COCH: variants seen among roughly 807,000 people sequenced by gnomAD.
The protein encoded by COCH is cochlin.
COCH carries 40 observed loss-of-function variants against 54.8 expected under a neutral mutation model. The ratio of observed to expected loss-of-function variants is 0.73; its 90% CI spans 0.57 to 0.95. The LOEUF is 0.95. Ranked by LOEUF, COCH falls within the 40% of genes least tolerant of loss-of-function variation. The probability of loss-of-function intolerance (pLI) is 0.00; values close to 1 mark genes in which losing one functional copy is unlikely to be tolerated. For missense variants in COCH, 605 were observed against 675.0 expected, an observed-to-expected ratio of 0.90 and a Z score of 1.15; for synonymous variants, 256 against 237.9, an observed-to-expected ratio of 1.08 and a Z score of -0.70.
chr14:30,884,440 TAAGA>T (rs763674419), intron 8 of COCH, 109 bp from the exon 9 acceptor site: 60 of 734,402 alleles, frequency 8.2e-5, no homozygotes, highest in Non-Finnish European at 1.4e-4. Context: ...ACTATGGAAT[TAAGA>T]AAGAAACTTG....
intron 8 of COCH, among the ~76,000 whole-genome samples, chr14:30,883,128 G>T (rs1389889864): frequency 6.6e-6 from 1 of 152,086 alleles, no homozygotes; most frequent in Non-Finnish European, 1.5e-5. Flanking sequence ...AAAAAAATGT[G>T]TTCCTTGTTT....
downstream of COCH, among the ~76,000 whole-genome samples, chr14:30,892,995 T>A (rs1334495328): frequency 6.6e-6 from 1 of 152,148 alleles, no homozygotes; most frequent in Non-Finnish European, 1.5e-5. Flanking sequence ...CCTTCTAATT[T>A]CATCTGCAAT....
At chr14:30,894,312 G>A (rs936958257), downstream of COCH, 4 of 152,312 alleles carry the variant, frequency 2.6e-5, no homozygotes, top group South Asian at 4.1e-4. Context: ...GAACCACCTT[G>A]GTTTGTAATT....
chr14:30,874,797 C>T, intron 1 of COCH, 119 bp from the exon 2 acceptor site: 1 of 906,000 alleles, frequency 1.1e-6, no homozygotes, highest in Non-Finnish European at 1.8e-6. Flanking sequence ...AGCAGCGGGT[C>T]GTCTGTGTCC....
intron 1 of COCH, 86 bp from the exon 2 acceptor site, chr14:30,874,830 G>C: frequency 2.3e-6 from 3 of 1,306,502 alleles, no homozygotes; most frequent in Non-Finnish European, 3.3e-6. Context: ...GCCGCGCCCG[G>C]GGATCCGAAG....
intron 9 of COCH, chr14:30,884,946 AAAG>A (rs1412810691): frequency 2.5e-6 from 4 of 1,598,262 alleles, no homozygotes; most frequent in Non-Finnish European, 3.4e-6. Flanking sequence ...GTAATGCTAA[AAAG>A]AAGTGAAAAT....
At position 30,874,572 on chromosome 14, in the gene COCH, G is replaced by A; in HGVS notation, c.-43G>A. On this transcript the variant is annotated 5_prime_UTR_variant, in exon 1 of 12. Coordinates refer to ENST00000396618, the MANE Select transcript of COCH (RefSeq NM_004086.3). ...GCCTTGCCTTCCGCACTCGGGCGCA[G>A]CCGGGTGGATCTCGAGCAGGTGCGG... 2.3e-6 allele frequency: 1 copy of A among 437,330 alleles called. No homozygotes were observed. Among genetic ancestry groups the A allele is most frequent in the Non-Finnish European group, 4.2e-6 (1 of 239,030 alleles). The allele number at this position is 437,330 out of a possible 1,614,324, so 27.1% of individuals were successfully genotyped here.
At position 30,880,441 on chromosome 14, in the gene COCH, T is replaced by C. The variant is rs747229581; in HGVS notation, c.437-11T>C. ...TCCTTTTGTTAATGCCAAGTGCATCTTTTATTTCAGGTAAACGACTAAAGA... is the reference window on the plus strand; with the variant it reads ...TCCTTTTGTTAATGCCAAGTGCATCCTTTATTTCAGGTAAACGACTAAAGA... On this transcript the variant is annotated splice_polypyrimidine_tract_variant and intron_variant, in intron 6 of 11. Transcript: ENST00000396618. The C allele has an allele frequency of 6.2e-7, 1 of 1,613,776 alleles. No homozygotes were observed. Among genetic ancestry groups the C allele is most frequent in the Non-Finnish European group, 8.5e-7 (1 of 1,179,792 alleles).
In COCH at chr14:30,874,594, G is replaced by GGT; in HGVS notation, c.-24+3_-24+4insGT. 2 of 478,778 alleles carry GGT rather than the reference G, an allele frequency of 4.2e-6. No individual in the cohort carries two copies. Among genetic ancestry groups the GGT allele is most frequent in the East Asian group, 4.1e-5 (1 of 24,594 alleles). The allele number at this position is 478,778 out of a possible 1,614,324, so 29.7% of individuals were successfully genotyped here. ...GCAGCCGGGTGGATCTCGAGCAGGT[G>GGT]CGGAGCCCCGGGCGGCGGGCGCGGG... On this transcript the variant is annotated splice_donor_region_variant and intron_variant, in intron 1 of 11. Transcript: ENST00000396618.
In COCH at chr14:30,887,784, CAG is replaced by C. The variant is rs28362783; in HGVS notation, c.1477+1476_1477+1477del. On this transcript the variant is annotated intron_variant, in intron 11 of 11. Coordinates refer to ENST00000396618, the MANE Select transcript of COCH (RefSeq NM_004086.3). ...TACTGATGAAAGATTATTCTTAAAA[CAG>C]AGAACACATGCAATTTAAGTTCCAC... 3.4e-3 allele frequency among the ~76,000 whole-genome samples: 512 copies of C among 152,290 alleles called. 3 individuals carry two copies. Among genetic ancestry groups the C allele is most frequent in the African/African-American group, 0.011 (463 of 41,574 alleles).
downstream of COCH, among the ~76,000 whole-genome samples, chr14:30,892,326 AATC>A (rs1164293405): frequency 1.3e-5 from 2 of 152,204 alleles, no homozygotes; most frequent in African/African-American, 2.4e-5. Context: ...GCATTCCAAT[AATC>A]ATCACATTTC....
intron 3 of COCH, 184 bp downstream of exon 3, chr14:30,875,287 G>A: frequency 1.2e-6 from 1 of 862,916 alleles, no homozygotes; most frequent in South Asian, 1.7e-5. Context: ...CTGCTCACCT[G>A]TTTCTCCCAT....
chr14:30,877,513 C>T lies in COCH; in HGVS notation c.83-59C>T, dbSNP rs977078373. On this transcript the variant is annotated intron_variant, in intron 3 of 11. Transcript: ENST00000396618. This position sits in a 1 kb window ranked among gnomAD's most constrained non-coding sequence, Gnocchi z 8.6. Reference sequence around the variant, plus strand: ...CTTAAATCTCACACTGTAGTCTCCCCACCACTATGCCCCAAGAAGTCCTAA... The same window carrying T: ...CTTAAATCTCACACTGTAGTCTCCCTACCACTATGCCCCAAGAAGTCCTAA... The T allele has an allele frequency of 1.5e-5, 24 of 1,600,440 alleles. No individual in the cohort carries two copies. Among genetic ancestry groups the T allele is most frequent in the Non-Finnish European group, 2.0e-5 (24 of 1,172,108 alleles).
Position 30,880,509 on chromosome 14 carries a change from A to G in COCH, c.481+13A>G, listed in dbSNP as rs1262389738. On this transcript the variant is annotated intron_variant, in intron 7 of 11. Transcript: ENST00000396618. ...ACTGGCAATAAAGGTAAGAATCAAG[A>G]TCTCCATTTGGGAAGGTAGCATTTT... The G allele has an allele frequency of 6.8e-6, 11 of 1,614,000 alleles. 1 individual carries two copies. In the Admixed American group the frequency reaches 1.8e-4, roughly 27 times the overall value.
intron 6 of COCH, among the ~76,000 whole-genome samples, chr14:30,879,725 C>G (rs1321655710): frequency 6.6e-6 from 1 of 152,194 alleles, no homozygotes; most frequent in Non-Finnish European, 1.5e-5. Context: ...CTCACTGCAG[C>G]CTTAACCTCC....
chr14:30,891,099 A>G (rs1461600276), downstream of COCH, among the ~76,000 whole-genome samples: 1 of 152,160 alleles, frequency 6.6e-6, no homozygotes, highest in Non-Finnish European at 1.5e-5. Context: ...CCTAGGCATT[A>G]TACACAGCCA....
In COCH at chr14:30,878,860, G is replaced by C; in HGVS notation, c.289G>C (p.Gly97Arg). ...ACCTGTACGAGTCTATAGCCTACCT[G>C]GTCGAGAAAACTATTCCTCAGTAGA... ...GGPVRVYSLPGRENYSSVDAN... is the reference protein window; with the variant it reads ...GGPVRVYSLPRRENYSSVDAN... The change falls in exon 5 of 12, where the codon GGT becomes CGT. Residue 97 changes from glycine to arginine, a missense_variant. Physicochemically the swap from Gly to Arg is moderately radical, Grantham distance 125. Coordinates refer to ENST00000396618, the MANE Select transcript of COCH (RefSeq NM_004086.3). 1 of 1,614,108 alleles carries C rather than the reference G, an allele frequency of 6.2e-7. No homozygotes were observed. Among genetic ancestry groups the C allele is most frequent in the Non-Finnish European group, 8.5e-7 (1 of 1,180,018 alleles).
Position 30,877,699 on chromosome 14 carries a change from A to T in COCH, c.210A>T (p.Val70=), listed in dbSNP as rs560972920. ...ATGGGAACATAGTATATGCTTCTGT[A>T]TCGAGCATATGTGGGGCTGCTGTCC... The part of the protein sequence containing the change: ...SVYGNIVYAS[V]SSICGAAVHR... Residue 70 remains valine, a synonymous_variant, in exon 4 of 12, where the codon GTA becomes GTT. Coordinates refer to ENST00000396618, the MANE Select transcript of COCH (RefSeq NM_004086.3). The surrounding 1 kb of genome is among the most constrained non-coding windows in gnomAD (Gnocchi z 8.6). 1.2e-6 allele frequency: 2 copies of T among 1,614,208 alleles called. No homozygotes were observed. The highest frequency in any genetic ancestry group is 1.7e-6 in the Non-Finnish European group (2 of 1,180,036).
intron 1 of COCH, 77 bp downstream of exon 1, chr14:30,874,668 C>A (rs1895286407): frequency 8.5e-6 from 5 of 589,886 alleles, no homozygotes; most frequent in Non-Finnish European, 1.5e-5. Context: ...TCGCTCCCAG[C>A]CTGTCTGTCG....
Sources: gnomAD v4.1 joint callset for allele counts (sites outside exome capture counted in the v4.1 genomes callset) on GRCh38, gnomAD v4.1.1 for gene constraint, Gnocchi (gnomAD v3.1) non-coding constraint, MANE v1.5 for transcripts, NCBI Gene and HGNC (gene_info 2026-07-23, HGNC 2026-07-21) for gene names.